The following PCDHGB1 variants were observed in gnomAD, a reference collection of about 807,000 sequenced individuals.
The protein encoded by PCDHGB1 is protocadherin gamma subfamily B, 1.
PCDHGB1 carries 34 observed loss-of-function variants against 56.6 expected under a neutral mutation model. The ratio of observed to expected loss-of-function variants is 0.60; its 90% CI spans 0.46 to 0.80. The LOEUF is 0.80. PCDHGB1 is among the 30% of genes least tolerant of loss of function. The pLI, the probability that PCDHGB1 is intolerant of heterozygous loss-of-function variation, is 0.00. For missense variants in PCDHGB1, 1,278 were observed against 1,204.6 expected (o/e 1.06, Z -0.90); for synonymous variants, 561 against 505.9 (o/e 1.11, Z -1.46).
At chr5:141,455,552 G>T (rs897699654) in intron 1 of PCDHGB1, among the ~76,000 whole-genome samples, 1 of 152,144 alleles carries the variant, frequency 6.6e-6, no homozygotes, top group African/African-American at 2.4e-5. Flanking sequence ...CGTAGCCCGA[G>T]AAAAAGCTGG....
intron 1 of PCDHGB1, chr5:141,355,839 G>C (rs554282896): frequency 6.2e-7 from 1 of 1,612,140 alleles, no homozygotes; most frequent in East Asian, 2.2e-5. Context: ...TCGTTCTCAC[G>C]GCCTTCGATG....
At chr5:141,375,365 G>A (rs1227294856) in intron 1 of PCDHGB1, 1 of 1,613,790 alleles carries the variant, frequency 6.2e-7, no homozygotes, top group Non-Finnish European at 8.5e-7. Flanking sequence ...CACGGACAAA[G>A]GAACACCACC....
intron 1 of PCDHGB1, chr5:141,397,999 G>GA (rs2093596115): frequency 2.9e-6 from 4 of 1,387,690 alleles, no homozygotes; most frequent in African/African-American, 2.9e-5. Flanking sequence ...TTCCTCCTCG[G>GA]AAAAAGAATC....
intron 1 of PCDHGB1, chr5:141,423,757 G>T (rs562479446): frequency 7.3e-5 from 29 of 395,130 alleles, no homozygotes; most frequent in Non-Finnish European, 9.5e-5. Flanking sequence ...GTTTGGGGGG[G>T]GGGTGGGGCG....
intron 1 of PCDHGB1, chr5:141,421,806 A>G: frequency 6.2e-7 from 1 of 1,613,842 alleles, no homozygotes; most frequent in Non-Finnish European, 8.5e-7. Context: ...CCAAGAATCC[A>G]GAGCTAGTAC....
intron 1 of PCDHGB1, chr5:141,415,308 C>T: frequency 6.2e-7 from 1 of 1,614,236 alleles, no homozygotes; most frequent in Non-Finnish European, 8.5e-7. Flanking sequence ...TCCTGGCCTT[C>T]GTCATCGTGC....
intron 1 of PCDHGB1, chr5:141,398,812 C>T (rs1255452758): frequency 1.9e-6 from 3 of 1,613,824 alleles, no homozygotes; most frequent in Admixed American, 3.3e-5. Context: ...CACTGAGCTC[C>T]GGATCCAGGT....
intron 1 of PCDHGB1, chr5:141,420,323 A>G (rs753373746): frequency 2.1e-6 from 3 of 1,410,102 alleles, no homozygotes; most frequent in East Asian, 2.4e-5. Flanking sequence ...CAATATGCCA[A>G]TATATTCCAA....
chr5:141,399,488 TAGTC>T (rs778579612), intron 1 of PCDHGB1: 12 of 1,613,904 alleles, frequency 7.4e-6, no homozygotes, highest in Admixed American at 1.7e-5. Flanking sequence ...GCGTCCTACT[TAGTC>T]AGTGTACCCG....
chr5:141,393,376 G>C (rs749009041), intron 1 of PCDHGB1: 2 of 1,613,842 alleles, frequency 1.2e-6, no homozygotes, highest in African/African-American at 2.7e-5. Flanking sequence ...GGAGACAATG[G>C]AGCCATAAAC....
intron 1 of PCDHGB1, chr5:141,441,986 C>A (rs2098288559): frequency 1.1e-5 from 3 of 269,098 alleles, no homozygotes; most frequent in South Asian, 7.5e-5. Context: ...GAATGCGCAC[C>A]GACGAGGTGC....
intron 1 of PCDHGB1, chr5:141,409,042 C>A: frequency 5.0e-6 from 8 of 1,614,034 alleles, no homozygotes; most frequent in Middle Eastern, 1.6e-4. Context: ...TAAACTACTA[C>A]TTCCGAAGCA....
chr5:141,469,553 G>A (rs989713451), intron 1 of PCDHGB1, among the ~76,000 whole-genome samples: 2 of 152,086 alleles, frequency 1.3e-5, no homozygotes, highest in African/African-American at 2.4e-5. Flanking sequence ...CCAGCCTGGC[G>A]ACAGAGTGAG....
Position 141,350,748 on chromosome 5 carries a change from C to A in PCDHGB1, c.488C>A (p.Ser163Ter). 1 of 1,613,956 alleles carries A rather than the reference C, an allele frequency of 6.2e-7. No homozygotes were observed. The highest frequency in any genetic ancestry group is 1.1e-5 in the South Asian group (1 of 91,090). ...CAAGATGCAGATGTGGAAGGCAATT[C>A]ACTGAAGTTATACACCATCAACCCC... ...SAQDADVEGN[S>*]LKLYTINPNQ... Residue 163 changes from serine to a stop codon, truncating the protein, a stop_gained, in exon 1 of 4, where the codon TCA (serine) becomes TAA (stop). Coordinates refer to ENST00000523390, the MANE Select transcript of PCDHGB1 (RefSeq NM_018922.3). LOFTEE classifies it high-confidence loss of function.
At chr5:141,360,474 A>G (rs1207223799) in intron 1 of PCDHGB1, 1 of 1,613,864 alleles carries the variant, frequency 6.2e-7, no homozygotes, top group African/African-American at 1.3e-5. Context: ...CTGAAAATCC[A>G]CTAAATATTT....
intron 1 of PCDHGB1, chr5:141,400,289 G>A: frequency 6.2e-7 from 1 of 1,614,074 alleles, no homozygotes; most frequent in South Asian, 1.1e-5. Context: ...GCCGCCTGGA[G>A]CTGCTTCCAA....
At chr5:141,474,758 C>T (rs2099354200) in intron 1 of PCDHGB1, among the ~76,000 whole-genome samples, 1 of 152,210 alleles carries the variant, frequency 6.6e-6, no homozygotes, top group Non-Finnish European at 1.5e-5. Flanking sequence ...GACAAATATA[C>T]AGAAATAGTA....
intron 1 of PCDHGB1, chr5:141,371,250 A>G: frequency 6.2e-7 from 1 of 1,614,054 alleles, no homozygotes; most frequent in Non-Finnish European, 8.5e-7. Context: ...CAATATTGGC[A>G]AGGAAGTGAG....
At chr5:141,448,139 C>A (rs1486636157) in intron 1 of PCDHGB1, among the ~76,000 whole-genome samples, 1 of 151,884 alleles carries the variant, frequency 6.6e-6, no homozygotes, top group African/African-American at 2.4e-5. Context: ...CCTCACTATA[C>A]CTCAGACTCA....
Sources: allele counts gnomAD v4.1 joint callset (sites outside exome capture counted in the v4.1 genomes callset), GRCh38; gene constraint gnomAD v4.1.1; transcripts MANE v1.5; gene names NCBI Gene and HGNC (gene_info 2026-07-23, HGNC 2026-07-21).